PPHLN1: variants seen among roughly 807,000 people sequenced by gnomAD.
PPHLN1 encodes the protein periphilin 1, also known as periphilin-1.
Under a neutral mutation model 51.3 loss-of-function variants are expected in PPHLN1, and 29 were observed. The observed-to-expected ratio is 0.57, with a 90% CI of 0.42 to 0.77. The LOEUF is 0.77. PPHLN1 is among the 30% of genes least tolerant of loss of function. The pLI, the probability that PPHLN1 is intolerant of heterozygous loss-of-function variation, is 0.00. For synonymous variants in PPHLN1, 147 were observed against 147.8 expected, an observed-to-expected ratio of 0.99 and a Z score of 0.04; for missense variants, 436 against 438.4, an observed-to-expected ratio of 0.99 and a Z score of 0.05.
At chr12:42,337,086 G>C (rs1336065425) in intron 2 of PPHLN1, among the ~76,000 whole-genome samples, 3 of 152,024 alleles carry the variant, frequency 2.0e-5, no homozygotes, top group Non-Finnish European at 4.4e-5. Context: ...TGAATTTGTA[G>C]ACTTCATGTT....
intron 7 of PPHLN1, among the ~76,000 whole-genome samples, chr12:42,390,921 C>A (rs570995893): frequency 6.6e-6 from 1 of 151,432 alleles, no homozygotes; most frequent in African/African-American, 2.4e-5. Flanking sequence ...CCACCTTGGC[C>A]TCCTAAAGTG....
intron 9 of PPHLN1, among the ~76,000 whole-genome samples, chr12:42,400,757 GTCTC>G (rs35916281): frequency 5.7e-5 from 8 of 140,588 alleles, no homozygotes; most frequent in South Asian, 2.2e-4. Context: ...GCGAGACCCT[GTCTC>G]TCTCTCTCTC....
intron 3 of PPHLN1, among the ~76,000 whole-genome samples, chr12:42,354,936 A>G (rs1047890704): frequency 8.5e-5 from 13 of 152,200 alleles, no homozygotes; most frequent in Non-Finnish European, 1.5e-4. Flanking sequence ...GTTTGAGTCT[A>G]CCAAAGAAAT....
At chr12:42,328,615 AAGTTT>A (rs1295822595) in intron 1 of PPHLN1, among the ~76,000 whole-genome samples, 1 of 152,250 alleles carries the variant, frequency 6.6e-6, no homozygotes, top group Non-Finnish European at 1.5e-5. Flanking sequence ...ATCTCCTACT[AAGTTT>A]AGTGCAGTAC....
chr12:42,421,432 C>A (rs888251819), intron 9 of PPHLN1, among the ~76,000 whole-genome samples: 4 of 152,086 alleles, frequency 2.6e-5, no homozygotes, highest in Non-Finnish European at 5.9e-5. Flanking sequence ...CTGCAACCTC[C>A]TGCTTCCCAG....
At chr12:42,417,780 A>G (rs971702788) in intron 9 of PPHLN1, among the ~76,000 whole-genome samples, 1 of 151,964 alleles carries the variant, frequency 6.6e-6, no homozygotes, top group African/African-American at 2.4e-5. Flanking sequence ...AAGAAGTTCG[A>G]CCAGTTCTGA....
At chr12:42,352,712 T>C (rs61926566) in intron 3 of PPHLN1, among the ~76,000 whole-genome samples, 24,720 of 151,858 alleles carry the variant, frequency 0.16, 2,066 homozygotes, top group Admixed American at 0.2. Context: ...GGATTATAGG[T>C]GTGAGCCACC....
chr12:42,372,788 C>T (rs1343497942), intron 4 of PPHLN1, among the ~76,000 whole-genome samples: 2 of 152,156 alleles, frequency 1.3e-5, no homozygotes, highest in Non-Finnish European at 2.9e-5. Flanking sequence ...ATTACACAAA[C>T]ATCTTAAATA....
chr12:42,383,825 C>CA (rs1018827263), intron 5 of PPHLN1, among the ~76,000 whole-genome samples: 20 of 149,610 alleles, frequency 1.3e-4, no homozygotes, highest in South Asian at 2.1e-4. Flanking sequence ...CTAAAAAATA[C>CA]AAAAAAAAAT....
At chr12:42,402,404 T>A (rs1167213349) in intron 9 of PPHLN1, among the ~76,000 whole-genome samples, 2 of 152,196 alleles carry the variant, frequency 1.3e-5, no homozygotes, top group African/African-American at 4.8e-5. Flanking sequence ...TTTTGTTGAT[T>A]GTTATTAGCT....
chr12:42,343,854 C>A, intron 2 of PPHLN1: 1 of 437,194 alleles, frequency 2.3e-6, no homozygotes, highest in Non-Finnish European at 4.5e-6. Context: ...CACACTGTCA[C>A]CAAAAGACGT....
At chr12:42,394,340 T>C (rs531819871) in intron 8 of PPHLN1, among the ~76,000 whole-genome samples, 46 of 152,282 alleles carry the variant, frequency 3.0e-4, no homozygotes, top group Middle Eastern at 3.4e-3. Context: ...TTTGATACTA[T>C]AGGAATTCTT....
intron 9 of PPHLN1, among the ~76,000 whole-genome samples, chr12:42,407,582 G>A (rs935279543): frequency 6.6e-5 from 10 of 152,184 alleles, no homozygotes; most frequent in African/African-American, 2.4e-4. Context: ...ACACAAGGAA[G>A]TAAATGTAGT....
At chr12:42,404,379 A>G (rs1282566799) in intron 9 of PPHLN1, among the ~76,000 whole-genome samples, 2 of 152,170 alleles carry the variant, frequency 1.3e-5, no homozygotes, top group Admixed American at 1.3e-4. Flanking sequence ...AAATACAAAA[A>G]TTAGCCCAAC....
chr12:42,352,635 C>G (rs912264650), intron 3 of PPHLN1, among the ~76,000 whole-genome samples: 1 of 150,968 alleles, frequency 6.6e-6, no homozygotes, highest in African/African-American at 2.4e-5. Flanking sequence ...GTCTTGAACT[C>G]CTGACATCAA....
At chr12:42,356,839 G>A (rs2138339579) in intron 4 of PPHLN1, among the ~76,000 whole-genome samples, 1 of 152,236 alleles carries the variant, frequency 6.6e-6, no homozygotes, top group Non-Finnish European at 1.5e-5. Flanking sequence ...TGGTAACAAT[G>A]CCTACAGTAA....
chr12:42,419,545 C>A (rs1167852345), intron 9 of PPHLN1, among the ~76,000 whole-genome samples: 4 of 152,106 alleles, frequency 2.6e-5, no homozygotes, highest in African/African-American at 9.7e-5. Context: ...TTATACTTTT[C>A]TATATAGTAG....
intron 9 of PPHLN1, among the ~76,000 whole-genome samples, chr12:42,402,435 G>A (rs2078926329): frequency 6.6e-6 from 1 of 152,126 alleles, no homozygotes; most frequent in Non-Finnish European, 1.5e-5. Flanking sequence ...TCTGTTGTAA[G>A]TCTAAATCTA....
At chr12:42,407,010 G>C (rs1592784915) in intron 9 of PPHLN1, among the ~76,000 whole-genome samples, 1 of 152,154 alleles carries the variant, frequency 6.6e-6, no homozygotes, top group South Asian at 2.1e-4. Flanking sequence ...AGACATCCAT[G>C]TAAGTCTGTA....
Sources: gnomAD v4.1 joint callset for allele counts (sites outside exome capture counted in the v4.1 genomes callset) on GRCh38, gnomAD v4.1.1 for gene constraint, MANE v1.5 for transcripts, NCBI Gene and HGNC (gene_info 2026-07-23, HGNC 2026-07-21) for gene names.